Variants in FAT3 observed in about 807,000 individuals in gnomAD.
FAT3 encodes FAT atypical cadherin 3, also known as protocadherin Fat 3.
A neutral mutation model predicts 310.2 loss-of-function variants in FAT3; 95 were observed. The observed-to-expected ratio is 0.31, with a 90% CI of 0.26 to 0.36. The LOEUF is 0.36. Among genes scored for constraint, FAT3 ranks in the 10% least tolerant of loss-of-function variants. The probability of loss-of-function intolerance (pLI) is 1.00; values close to 1 mark genes in which losing one functional copy is unlikely to be tolerated. For synonymous variants in FAT3, 2,314 were observed against 2,192.9 expected (o/e 1.06, Z -1.54); for missense variants, 5,408 against 5,715.6 (o/e 0.95, Z 1.74).
intron 2 of FAT3, among the ~76,000 whole-genome samples, chr11:92,494,204 A>G (rs1235418925): frequency 6.6e-6 from 1 of 151,930 alleles, no homozygotes. Context: ...CATGGAGGAA[A>G]CTGCCCCCAT....
In FAT3 at chr11:92,792,703, T is replaced by C. The variant is rs1947068630; in HGVS notation, c.4612-64T>C. On this transcript the variant is annotated intron_variant, in intron 8 of 27. Coordinates refer to ENST00000525166, the MANE Select transcript of FAT3 (RefSeq NM_001367949.2). ...TTTCATTTTGTTTTCACCCCAAACA[T>C]AGCCATGTGAGTTCTTTGCAATTTA... 6.0e-6 allele frequency: 9 copies of C among 1,507,206 alleles called. No individual in the cohort carries two copies. The East Asian group carries it at 1.8e-4, about 30-fold the overall frequency. The allele number at this position is 1,507,206 out of a possible 1,614,324, so 93.4% of individuals were successfully genotyped here.
At chr11:92,777,987 G>C (rs1946638994) in intron 7 of FAT3, among the ~76,000 whole-genome samples, 1 of 151,860 alleles carries the variant, frequency 6.6e-6, no homozygotes, top group Non-Finnish European at 1.5e-5. Flanking sequence ...AGACATCAGA[G>C]CCCTGTCTCT....
chr11:92,429,270 T>C (rs1037440065), intron 2 of FAT3, among the ~76,000 whole-genome samples: 2 of 152,174 alleles, frequency 1.3e-5, no homozygotes, highest in African/African-American at 2.4e-5. Context: ...AGCTTATGTG[T>C]GTCTTTGCAA....
At chr11:92,507,863 C>G (rs918173997) in intron 2 of FAT3, among the ~76,000 whole-genome samples, 1 of 148,904 alleles carries the variant, frequency 6.7e-6, no homozygotes, top group Non-Finnish European at 1.5e-5. Context: ...TTTGCATGTG[C>G]GTGTATACCC....
chr11:92,353,415 C>G lies in FAT3; in HGVS notation c.1303C>G (p.Leu435Val). ...GGGTCTGATTGTTACAGCACGGCCA[C>G]TGAATACTGTTAAGAAGGAGGTTTA... ...RSGLIVTARP[L>V]NTVKKEVYKL... Residue 435 changes from leucine to valine, a missense_variant, in exon 2 of 28, where the codon CTG (leucine) becomes GTG (valine). Around this residue, in one of 5 missense-constraint regions of FAT3, gnomAD observed 4,588 missense variants for 4,809.8 expected, o/e 0.95. Transcript: ENST00000525166. 1.9e-6 allele frequency: 3 copies of G among 1,613,466 alleles called. No individual in the cohort carries two copies. The highest frequency in any genetic ancestry group is 1.7e-4 in the Middle Eastern group (1 of 6,060).
intron 2 of FAT3, among the ~76,000 whole-genome samples, chr11:92,492,279 CCATCCATCCATT>C (rs966912309): frequency 2.8e-5 from 4 of 142,082 alleles, no homozygotes; most frequent in African/African-American, 6.0e-5. Context: ...ATCCATCCAT[CCATCCATCCATT>C]CATCCATCCA....
chr11:92,747,487 G>A (rs1432702381), intron 4 of FAT3, among the ~76,000 whole-genome samples: 1 of 152,186 alleles, frequency 6.6e-6, no homozygotes, highest in African/African-American at 2.4e-5. Flanking sequence ...GATGGAAGGG[G>A]CTGCCTTGAA....
At chr11:92,327,460 G>A (rs1023630935) in intron 1 of FAT3, among the ~76,000 whole-genome samples, 4 of 152,180 alleles carry the variant, frequency 2.6e-5, no homozygotes, top group Non-Finnish European at 5.9e-5. Flanking sequence ...ATAGTATATG[G>A]CAGCCTCTAA....
chr11:92,836,608 C>T lies in FAT3; in HGVS notation c.10129C>T (p.His3377Tyr), dbSNP rs1162807333. The change falls in exon 16 of 28, where the codon CAT becomes TAT. Residue 3377 changes from histidine (H) to tyrosine (Y), a missense_variant. Physicochemically the swap from His to Tyr is moderately conservative, Grantham distance 83 (BLOSUM62 2). This residue lies in a region of FAT3 where 4,588 missense variants were observed against 4,809.8 expected (regional missense o/e 0.95). Coordinates refer to ENST00000525166, the MANE Select transcript of FAT3 (RefSeq NM_001367949.2). ...AGACAGCCAGCCCAACGGACAGATT[C>T]ATTTTTCCATTGTGAATGGAGATCG... ...DVDSQPNGQI[H>Y]FSIVNGDRDN... 1 of 1,613,732 alleles carries T rather than the reference C, an allele frequency of 6.2e-7. No homozygotes were observed. Among genetic ancestry groups the T allele is most frequent in the African/African-American group, 1.3e-5 (1 of 74,912 alleles).
chr11:92,667,774 C>T (rs1222962310), intron 3 of FAT3, among the ~76,000 whole-genome samples: 1 of 152,210 alleles, frequency 6.6e-6, no homozygotes, highest in Non-Finnish European at 1.5e-5. Flanking sequence ...GGGTTAACTG[C>T]CACTTTCACT....
rs1052393821 is a variant in FAT3 at position 92,355,387 on chromosome 11, G to A, written c.3275G>A (p.Ser1092Asn). ...IRDGSGLGRFSIDDESGVITA... is the reference protein window; with the variant it reads ...IRDGSGLGRFNIDDESGVITA... ...GATGGCAGTGGTCTTGGAAGGTTCAGTATAGACGACGAGAGTGGTAAGTGT... is the reference window on the plus strand; with the variant it reads ...GATGGCAGTGGTCTTGGAAGGTTCAATATAGACGACGAGAGTGGTAAGTGT... Residue 1092 changes from serine to asparagine, a missense_variant, in exon 2 of 28, where the codon AGT (serine) becomes AAT (asparagine). Around this residue, in one of 5 missense-constraint regions of FAT3, gnomAD observed 4,588 missense variants for 4,809.8 expected, o/e 0.95. Transcript: ENST00000525166. 6.2e-7 allele frequency: 1 copy of A among 1,610,648 alleles called. No homozygotes were observed. Among genetic ancestry groups the A allele is most frequent in the Non-Finnish European group, 8.5e-7 (1 of 1,177,412 alleles).
intron 3 of FAT3, among the ~76,000 whole-genome samples, chr11:92,614,835 A>G (rs1452614776): frequency 6.6e-6 from 1 of 152,234 alleles, no homozygotes; most frequent in Non-Finnish European, 1.5e-5. Flanking sequence ...TAAAAGTTAC[A>G]TCGTTCTTAC....
intron 3 of FAT3, among the ~76,000 whole-genome samples, chr11:92,585,172 T>C (rs921630069): frequency 1.5e-4 from 23 of 152,090 alleles, no homozygotes; most frequent in African/African-American, 5.3e-4. Context: ...GGACGTTGTA[T>C]AGACGTGAAG....
At chr11:92,317,095 AATTATT>A (rs1462549263) in intron 1 of FAT3, among the ~76,000 whole-genome samples, 1 of 152,154 alleles carries the variant, frequency 6.6e-6, no homozygotes, top group Non-Finnish European at 1.5e-5. Context: ...TACAGGCAAG[AATTATT>A]TTGAGTGCAG....
At chr11:92,858,810 TGGG>T (rs575370086) in intron 20 of FAT3, among the ~76,000 whole-genome samples, 187 of 152,270 alleles carry the variant, frequency 1.2e-3, no homozygotes, top group Admixed American at 4.6e-3. Flanking sequence ...GATTGGGGGT[TGGG>T]GGAGGAATGA....
chr11:92,355,043 T>A lies in FAT3; in HGVS notation c.2931T>A (p.Asn977Lys), dbSNP rs1332904647. Residue 977 changes from asparagine (N) to lysine (K), a missense_variant, in exon 2 of 28, where the codon AAT (asparagine) becomes AAA (lysine). Around this residue, in one of 5 missense-constraint regions of FAT3, gnomAD observed 4,588 missense variants for 4,809.8 expected, o/e 0.95. Transcript: ENST00000525166. ...LGGQVRYSLV[N>K]DYNGRFEIDK... Reference sequence around the variant, plus strand: ...GTCAAGTGCGCTATTCTTTGGTCAATGACTATAATGGGAGATTTGAAATAG... The same window carrying A: ...GTCAAGTGCGCTATTCTTTGGTCAAAGACTATAATGGGAGATTTGAAATAG... The A allele has an allele frequency of 6.2e-7, 1 of 1,613,646 alleles. No individual in the cohort carries two copies. Among genetic ancestry groups the A allele is most frequent in the Non-Finnish European group, 8.5e-7 (1 of 1,179,850 alleles).
chr11:92,574,513 A>G (rs568629), intron 3 of FAT3, among the ~76,000 whole-genome samples: 112,743 of 151,978 alleles, frequency 0.74, 44,087 homozygotes, highest in Non-Finnish European at 0.88. Flanking sequence ...ATAAAATGGG[A>G]AATAATATGA....
At chr11:92,757,956 T>A (rs1357778848) in intron 4 of FAT3, among the ~76,000 whole-genome samples, 1 of 152,182 alleles carries the variant, frequency 6.6e-6, no homozygotes, top group Non-Finnish European at 1.5e-5. Flanking sequence ...TTATGTAAAC[T>A]GGGTATGAAC....
At chr11:92,787,197 A>C (rs1169217885) in intron 7 of FAT3, among the ~76,000 whole-genome samples, 2 of 152,080 alleles carry the variant, frequency 1.3e-5, no homozygotes, top group Non-Finnish European at 2.9e-5. Context: ...ATGTTAAATG[A>C]AACAGCATGG....
Sources: gnomAD v4.1 joint callset for allele counts (sites outside exome capture counted in the v4.1 genomes callset) on GRCh38, gnomAD v4.1.1 for gene constraint, gnomAD v4.1.1 regional missense constraint, MANE v1.5 for transcripts, NCBI Gene and HGNC (gene_info 2026-07-23, HGNC 2026-07-21) for gene names.